BNC2: variants seen among roughly 807,000 people sequenced by gnomAD.
The protein encoded by BNC2 is basonuclin zinc finger protein 2, also known as zinc finger protein basonuclin-2.
In BNC2, 20 loss-of-function variants were observed where a neutral mutation model predicts 76.3. The observed-to-expected ratio is 0.26, with a 90% CI of 0.18 to 0.38. The LOEUF (loss-of-function observed/expected upper bound fraction) is 0.38. BNC2 is among the 10% of genes least tolerant of loss of function. BNC2 has a pLI of 1.00. For missense variants in BNC2, 1,382 were observed against 1,399.8 expected, an observed-to-expected ratio of 0.99 and a Z score of 0.20; for synonymous variants, 582 against 514.8, an observed-to-expected ratio of 1.13 and a Z score of -1.77.
At chr9:16,851,932 G>C (rs1473145776) in intron 1 of BNC2, among the ~76,000 whole-genome samples, 1 of 152,060 alleles carries the variant, frequency 6.6e-6, no homozygotes, top group African/African-American at 2.4e-5. Context: ...TTCCACCAGA[G>C]GATGAATATT....
At chr9:16,860,391 T>C (rs1200808544) in intron 1 of BNC2, among the ~76,000 whole-genome samples, 3 of 152,176 alleles carry the variant, frequency 2.0e-5, no homozygotes, top group Non-Finnish European at 2.9e-5. Flanking sequence ...TTATATATCA[T>C]GGTCAATTAA....
intron 3 of BNC2, among the ~76,000 whole-genome samples, chr9:16,711,355 T>C (rs935136179): frequency 2.6e-5 from 4 of 152,174 alleles, no homozygotes; most frequent in Non-Finnish European, 5.9e-5. Flanking sequence ...AGCACGTTTC[T>C]TCCATTCCTC....
intron 3 of BNC2, among the ~76,000 whole-genome samples, chr9:16,693,571 G>C (rs143154549): frequency 0.015 from 2,263 of 152,192 alleles, 33 homozygotes; most frequent in South Asian, 0.045. Flanking sequence ...AGGCTCCCTA[G>C]CCCATGTAAA....
At chr9:16,786,800 G>C (rs1029291301) in intron 1 of BNC2, among the ~76,000 whole-genome samples, 1 of 152,114 alleles carries the variant, frequency 6.6e-6, no homozygotes, top group African/African-American at 2.4e-5. Context: ...GCATCCTCAA[G>C]GGAAGGTCAT....
intron 3 of BNC2, among the ~76,000 whole-genome samples, chr9:16,620,008 G>C (rs529964129): frequency 2.0e-5 from 3 of 152,174 alleles, no homozygotes; most frequent in Non-Finnish European, 4.4e-5. Context: ...ATTAAGCCAC[G>C]TATGGCCTTC....
chr9:16,499,453 T>G (rs1030773096), intron 5 of BNC2, among the ~76,000 whole-genome samples: 3 of 152,044 alleles, frequency 2.0e-5, no homozygotes, highest in Non-Finnish European at 2.9e-5. Context: ...CTTCCTCTGG[T>G]GTATCTCAAG....
At chr9:16,859,360 T>C (rs951290594) in intron 1 of BNC2, among the ~76,000 whole-genome samples, 4 of 152,178 alleles carry the variant, frequency 2.6e-5, no homozygotes, top group Non-Finnish European at 5.9e-5. Context: ...TGTCCAAAGA[T>C]TGAAAGCAGT....
At chr9:16,735,211 C>CT (rs1229562364) in intron 2 of BNC2, among the ~76,000 whole-genome samples, 1 of 152,104 alleles carries the variant, frequency 6.6e-6, no homozygotes, top group Non-Finnish European at 1.5e-5. Flanking sequence ...CAGCATGAAT[C>CT]TTGTGCCTAC....
intron 5 of BNC2, among the ~76,000 whole-genome samples, chr9:16,536,714 T>C (rs181302399): frequency 1.8e-3 from 273 of 152,222 alleles, no homozygotes; most frequent in African/African-American, 6.0e-3. Context: ...AAAGAGAAAA[T>C]ATAATAATCT....
intron 1 of BNC2, among the ~76,000 whole-genome samples, chr9:16,762,355 C>T (rs1287507649): frequency 6.6e-6 from 1 of 152,100 alleles, no homozygotes; most frequent in African/African-American, 2.4e-5. Flanking sequence ...AGATCTTTAC[C>T]CACCCTACCC....
chr9:16,788,552 C>CAA lies in BNC2; in HGVS notation c.4-50069_4-50068dup, dbSNP rs397960619. On this transcript the variant is annotated intron_variant, in intron 1 of 6. Transcript: ENST00000380672. The stretch of plus-strand genomic sequence containing the variant: ...TGGGCGACAGAGCAACACTCCTTCT[C>CAA]AAAAAAAAAAAAAAAAAAGAGGTCA... Among the ~76,000 whole-genome samples, 716 of 80,400 alleles carry CAA rather than the reference C, an allele frequency of 8.9e-3. 6 individuals carry two copies. The highest frequency in any genetic ancestry group is 0.028 in the African/African-American group (616 of 22,300). The allele number at this position is 80,400 out of a possible 152,430, so 52.7% of individuals were successfully genotyped here.
intron 3 of BNC2, among the ~76,000 whole-genome samples, chr9:16,643,305 CAAA>C (rs34196473): frequency 4.9e-5 from 6 of 121,552 alleles, no homozygotes; most frequent in Admixed American, 8.4e-5. Context: ...GACTCTGTCT[CAAA>C]AAAAAAAAAA....
intron 5 of BNC2, among the ~76,000 whole-genome samples, chr9:16,477,986 C>T (rs1224064410): frequency 6.6e-6 from 1 of 152,062 alleles, no homozygotes; most frequent in Non-Finnish European, 1.5e-5. Flanking sequence ...TGAGCGGGCC[C>T]CTGCATCTTT....
chr9:16,660,198 T>G, intron 3 of BNC2, among the ~76,000 whole-genome samples: 1 of 152,328 alleles, frequency 6.6e-6, no homozygotes, highest in African/African-American at 2.4e-5. Context: ...CTCAAGCCTG[T>G]AATCCCAGCA....
intron 1 of BNC2, among the ~76,000 whole-genome samples, chr9:16,870,293 T>TC (rs1168717361): frequency 6.6e-6 from 1 of 151,204 alleles, no homozygotes; most frequent in East Asian, 2.0e-4. Flanking sequence ...CTCCACCTCG[T>TC]CCCCCCAGCC....
At chr9:16,697,120 G>C (rs1458817914) in intron 3 of BNC2, among the ~76,000 whole-genome samples, 1 of 152,022 alleles carries the variant, frequency 6.6e-6, no homozygotes, top group Non-Finnish European at 1.5e-5. Flanking sequence ...CAGCACTTTG[G>C]GAGGCTGAGG....
intron 5 of BNC2, among the ~76,000 whole-genome samples, chr9:16,527,394 C>T (rs1817838127): frequency 6.6e-6 from 1 of 152,162 alleles, no homozygotes; most frequent in Non-Finnish European, 1.5e-5. Flanking sequence ...CCCTGTCTAC[C>T]CCTGTGGCAC....
chr9:16,620,863 G>A (rs903027336), intron 3 of BNC2, among the ~76,000 whole-genome samples: 3 of 152,114 alleles, frequency 2.0e-5, no homozygotes, highest in African/African-American at 7.2e-5. Flanking sequence ...TATGCATCTG[G>A]TGATATGACT....
At position 16,502,119 on chromosome 9, in the gene BNC2, T is replaced by C. The variant is rs141810504; in HGVS notation, c.669+50411A>G. 5.7e-3 allele frequency among the ~76,000 whole-genome samples: 871 copies of C among 152,162 alleles called. 10 individuals carry two copies. The highest frequency in any genetic ancestry group is 0.02 in the African/African-American group (832 of 41,498). On this transcript the variant is annotated intron_variant, in intron 5 of 6. Coordinates refer to ENST00000380672, the MANE Select transcript of BNC2 (RefSeq NM_017637.6). ...GGTTTATGCCTGTAATCCTAGATCTTTGGGAAGTCGAGATGGGAGGATAAC... is the reference window on the plus strand; with the variant it reads ...GGTTTATGCCTGTAATCCTAGATCTCTGGGAAGTCGAGATGGGAGGATAAC...
Sources: allele counts gnomAD v4.1 joint callset (sites outside exome capture counted in the v4.1 genomes callset), GRCh38; gene constraint gnomAD v4.1.1; transcripts MANE v1.5; gene names NCBI Gene and HGNC (gene_info 2026-07-23, HGNC 2026-07-21).